FRAS1: variants seen among roughly 807,000 people sequenced by gnomAD.
The protein encoded by FRAS1 is extracellular matrix organizing protein FRAS1.
A neutral mutation model predicts 435.2 loss-of-function variants in FRAS1; 290 were observed. That is an observed-to-expected ratio of 0.67 (90% CI 0.61 to 0.73). The LOEUF (loss-of-function observed/expected upper bound fraction) is 0.73, where lower values mean the gene tolerates loss of function less well. FRAS1 is among the 30% of genes least tolerant of loss of function. The probability of loss-of-function intolerance (pLI) is 0.00; values close to 1 mark genes in which losing one functional copy is unlikely to be tolerated. For missense variants in FRAS1, 4,860 were observed against 5,001.5 expected, an observed-to-expected ratio of 0.97 and a Z score of 0.85; for synonymous variants, 1,800 against 1,851.0, an observed-to-expected ratio of 0.97 and a Z score of 0.71.
chr4:78,444,130 C>A lies in FRAS1; in HGVS notation c.5666-1392C>A, dbSNP rs775230749. On this transcript the variant is annotated intron_variant, in intron 41 of 73. Coordinates refer to ENST00000512123, the MANE Select transcript of FRAS1 (RefSeq NM_025074.7). ...TTGGCCTCCCAAAGTGTTGGGATTA[C>A]AGGCATGAGCCACCATGCCCAGTCA... The A allele has an allele frequency of 2.2e-5, 10 of 453,308 alleles. 1 individual carries two copies. Among genetic ancestry groups the A allele is most frequent in the South Asian group, 1.6e-4 (10 of 63,866 alleles). 28.1% of individuals were successfully genotyped at this position (453,308 alleles called of 1,614,324 possible).
chr4:78,121,398 G>A (rs956319244), intron 2 of FRAS1, among the ~76,000 whole-genome samples: 6 of 152,166 alleles, frequency 3.9e-5, no homozygotes, highest in African/African-American at 1.4e-4. Context: ...ACTAAGAGGG[G>A]CCTCTGTAAC....
intron 69 of FRAS1, among the ~76,000 whole-genome samples, chr4:78,524,666 A>G (rs1270019656): frequency 6.6e-6 from 1 of 152,222 alleles, no homozygotes; most frequent in African/African-American, 2.4e-5. Context: ...TTTGTTCAAC[A>G]AGTATTTATG....
intron 2 of FRAS1, among the ~76,000 whole-genome samples, chr4:78,216,630 TAA>T (rs1723780318): frequency 6.6e-6 from 1 of 152,198 alleles, no homozygotes; most frequent in South Asian, 2.1e-4. Flanking sequence ...AGTTCAGCAG[TAA>T]ACCGTTCTTA....
intron 29 of FRAS1, among the ~76,000 whole-genome samples, chr4:78,388,463 T>C (rs1444314655): frequency 6.6e-6 from 1 of 151,916 alleles, no homozygotes; most frequent in Non-Finnish European, 1.5e-5. Flanking sequence ...CAAACTCTTT[T>C]GGTAATCCTA....
chr4:78,186,756 G>C (rs956933859), intron 2 of FRAS1, among the ~76,000 whole-genome samples: 1 of 152,194 alleles, frequency 6.6e-6, no homozygotes, highest in African/African-American at 2.4e-5. Flanking sequence ...AGATCGTAAT[G>C]TGATGGGAGT....
intron 3 of FRAS1, among the ~76,000 whole-genome samples, chr4:78,239,554 A>G (rs114219917): frequency 0.015 from 2,244 of 152,164 alleles, 47 homozygotes; most frequent in African/African-American, 0.05. Context: ...AACCCCTCCA[A>G]TGGCTTCCAG....
chr4:78,182,149 A>G, intron 2 of FRAS1: 1 of 809,072 alleles, frequency 1.2e-6, no homozygotes, highest in Non-Finnish European at 1.9e-6. Flanking sequence ...GCCAAGATGG[A>G]AGCAGGTATT....
At chr4:78,465,092 A>G (rs941831401) in intron 49 of FRAS1, among the ~76,000 whole-genome samples, 2 of 152,224 alleles carry the variant, frequency 1.3e-5, no homozygotes, top group Non-Finnish European at 1.5e-5. Flanking sequence ...TCCAGATTAA[A>G]GCATCTCACA....
chr4:78,332,928 T>C (rs1730004566), intron 18 of FRAS1, among the ~76,000 whole-genome samples: 2 of 152,230 alleles, frequency 1.3e-5, no homozygotes, highest in South Asian at 2.1e-4. Context: ...TATCTAGTGA[T>C]AGACAGCTGT....
chr4:78,446,393 G>A (rs1578329625), intron 42 of FRAS1: 1 of 1,091,104 alleles, frequency 9.2e-7, no homozygotes, highest in African/African-American at 1.7e-5. Flanking sequence ...AGTTATATTA[G>A]TATGGTCTTT....
intron 34 of FRAS1, among the ~76,000 whole-genome samples, chr4:78,423,413 C>T (rs568777359): frequency 1.5e-5 from 2 of 135,396 alleles, no homozygotes; most frequent in Non-Finnish European, 3.1e-5. Flanking sequence ...GATCCACCTG[C>T]CTTGGCCTCC....
At chr4:78,338,439 G>A (rs1196246548) in intron 20 of FRAS1, among the ~76,000 whole-genome samples, 2 of 152,160 alleles carry the variant, frequency 1.3e-5, no homozygotes, top group East Asian at 1.9e-4. Flanking sequence ...TCAGAATACA[G>A]GAAAACGATG....
intron 9 of FRAS1, among the ~76,000 whole-genome samples, chr4:78,268,524 T>C (rs780385913): frequency 6.6e-6 from 1 of 152,238 alleles, no homozygotes; most frequent in Non-Finnish European, 1.5e-5. Context: ...TCTGTCGGGC[T>C]GAGGCTGGGC....
At chr4:78,286,184 G>A (rs1727588533) in intron 13 of FRAS1, 1 of 671,514 alleles carries the variant, frequency 1.5e-6, no homozygotes, top group African/African-American at 1.8e-5. Flanking sequence ...CTCCTAGGGT[G>A]GTTGTGAGAA....
chr4:78,077,087 C>T (rs1245504200), intron 2 of FRAS1, among the ~76,000 whole-genome samples: 1 of 152,176 alleles, frequency 6.6e-6, no homozygotes, highest in Non-Finnish European at 1.5e-5. Flanking sequence ...CATGGTGCCT[C>T]ACACCTATAA....
chr4:78,065,103 A>G (rs2109847984), intron 1 of FRAS1, among the ~76,000 whole-genome samples: 1 of 117,574 alleles, frequency 8.5e-6, no homozygotes, highest in African/African-American at 3.4e-5. Context: ...CACACACACT[A>G]AATACTACAT....
rs1316488128 is a variant in FRAS1, at chr4:78,542,039, A to G, written c.*915A>G. ...ACTCCGGTCTTTGCCCGTTCCTGTA[A>G]CAGACAATCCCATGTCCTAGGTATG... On this transcript the variant is annotated 3_prime_UTR_variant, in exon 74 of 74. Coordinates refer to ENST00000512123, the MANE Select transcript of FRAS1 (RefSeq NM_025074.7). The G allele has an allele frequency of 6.6e-6, 1 of 152,240 alleles. No individual in the cohort carries two copies. Among genetic ancestry groups the G allele is most frequent in the South Asian group, 2.1e-4 (1 of 4,832 alleles). The allele number at this position is 152,240 out of a possible 1,614,324, so 9.4% of individuals were successfully genotyped here. A position where few individuals can be genotyped will look rare whatever the true frequency, so the allele number is the denominator to read the frequency against.
At chr4:78,376,896 C>CAGG (rs1731787811) in intron 26 of FRAS1, among the ~76,000 whole-genome samples, 1 of 152,084 alleles carries the variant, frequency 6.6e-6, no homozygotes, top group Non-Finnish European at 1.5e-5. Context: ...GAGGCTAAGG[C>CAGG]AGGAGAATCG....
chr4:78,374,007 A>C, intron 24 of FRAS1, 104 bp from the exon 25 acceptor site: 1 of 1,126,514 alleles, frequency 8.9e-7, no homozygotes, highest in Non-Finnish European at 1.2e-6. Flanking sequence ...TGCCCAGTAC[A>C]CTAGGCTGTA....
Sources: allele counts gnomAD v4.1 joint callset (sites outside exome capture counted in the v4.1 genomes callset), GRCh38; gene constraint gnomAD v4.1.1; transcripts MANE v1.5; gene names NCBI Gene and HGNC (gene_info 2026-07-23, HGNC 2026-07-21).